ADGRG1: variants seen among roughly 807,000 people sequenced by gnomAD.
ADGRG1 encodes 7-transmembrane protein with no EGF-like N-terminal domains-1.
Under a neutral mutation model 73.5 loss-of-function variants are expected in ADGRG1, and 53 were observed. The observed-to-expected ratio is 0.72, with a 90% CI of 0.58 to 0.91. The LOEUF (loss-of-function observed/expected upper bound fraction) is 0.91, where lower values mean the gene tolerates loss of function less well. Among genes scored for constraint, ADGRG1 ranks in the 40% least tolerant of loss-of-function variants. The pLI, the probability that ADGRG1 is intolerant of heterozygous loss-of-function variation, is 0.00. For missense variants in ADGRG1, 795 were observed against 871.8 expected, an observed-to-expected ratio of 0.91 and a Z score of 1.11; for synonymous variants, 394 against 374.4, an observed-to-expected ratio of 1.05 and a Z score of -0.60.
chr16:57,632,762 A>G, intron 1 of ADGRG1: 1 of 984,162 alleles, frequency 1.0e-6, no homozygotes, highest in Non-Finnish European at 1.2e-6. Context: ...ATAAAAGCTC[A>G]GCCCCGGAGG....
chr16:57,619,876 G>A (rs549227808), upstream of ADGRG1: 1 of 152,504 alleles, frequency 6.6e-6, no homozygotes, highest in African/African-American at 2.4e-5. Flanking sequence ...TGAAGTCCAC[G>A]AAGAGGTGAG....
intron 13 of ADGRG1, 30 bp from the exon 14 acceptor site, chr16:57,663,422 C>G (rs1335369373): frequency 1.2e-6 from 2 of 1,612,944 alleles, no homozygotes; most frequent in Non-Finnish European, 1.7e-6. Context: ...GCTCCCCCAC[C>G]TGCTGACCCC....
chr16:57,647,587 G>C (rs1486557172), intron 1 of ADGRG1: 1 of 399,166 alleles, frequency 2.5e-6, no homozygotes, highest in African/African-American at 2.2e-5. Context: ...CCCAGAGAAG[G>C]TGAGTAACTA....
upstream of ADGRG1, chr16:57,627,114 C>G (rs2035994010): frequency 1.0e-6 from 1 of 959,702 alleles, no homozygotes; most frequent in Non-Finnish European, 1.2e-6. Flanking sequence ...TCCCTGCACC[C>G]CACGGGGTGG....
chr16:57,622,254 C>G, intron 2 of ADGRG1: 1 of 152,156 alleles, frequency 6.6e-6, no homozygotes, highest in East Asian at 1.9e-4. Context: ...CAGGAAGATA[C>G]TGAGGCACAG....
In ADGRG1 at chr16:57,660,875, A is replaced by G. The variant is rs1262115975; in HGVS notation, c.1663A>G (p.Met555Val). ...TCCAGAGGGCGTCATCTACCCTTCC[A>G]TGTGAGTGGCTGTGTGCAATGGGGG... is the stretch of plus-strand genomic sequence containing the variant. Reference protein sequence around the residue: ...RTPEGVIYPSMCWIRDSLVSY... With the variant: ...RTPEGVIYPSVCWIRDSLVSY... The change falls in exon 12 of 14, where the codon ATG becomes GTG. Residue 555 changes from methionine to valine, a missense_variant and splice_region_variant. Transcript: ENST00000562631. 5.2e-6 allele frequency: 8 copies of G among 1,539,552 alleles called. No homozygotes were observed. The highest frequency in any genetic ancestry group is 2.7e-5 in the African/African-American group (2 of 73,474).
chr16:57,637,731 C>T (rs1266927088), intron 1 of ADGRG1: 21 of 982,718 alleles, frequency 2.1e-5, no homozygotes, highest in African/African-American at 1.2e-4. Context: ...CTCTGCTCCA[C>T]GGAGGGGCGG....
intron 1 of ADGRG1, chr16:57,643,507 C>T: frequency 1.1e-6 from 1 of 934,586 alleles, no homozygotes; most frequent in African/African-American, 1.8e-5. Context: ...GTGGCTCAAG[C>T]ACTTGGTTGG....
At chr16:57,662,454 G>T (rs1320094164) in intron 13 of ADGRG1, among the ~76,000 whole-genome samples, 5 of 152,162 alleles carry the variant, frequency 3.3e-5, no homozygotes, top group African/African-American at 1.2e-4. Context: ...CAGACCAGCA[G>T]CAGCAGCGTT....
chr16:57,644,512 G>A (rs1464276539), intron 1 of ADGRG1, among the ~76,000 whole-genome samples: 5 of 142,944 alleles, frequency 3.5e-5, no homozygotes, highest in African/African-American at 1.1e-4. Flanking sequence ...TCATGCATGG[G>A]CACACACACT....
intron 1 of ADGRG1, chr16:57,631,228 G>A: frequency 1.0e-6 from 1 of 986,496 alleles, no homozygotes; most frequent in Non-Finnish European, 1.2e-6. Context: ...GGTTGGTGTA[G>A]GGGTTGGCCT....
rs1212410004 is a variant in ADGRG1 at position 57,632,187 on chromosome 16, T to C, written c.-36+3385T>C. The C allele has an allele frequency of 1.8e-5, 18 of 985,334 alleles. No homozygotes were observed. The African/African-American group carries it at 3.1e-4, about 17-fold the overall frequency. The allele number at this position is 985,334 out of a possible 1,614,324, so 61.0% of individuals were successfully genotyped here. ...ATCCAGAATTTGGGCTCTTGTCCCT[T>C]GGTGGAGAGGAGGCTCCTCAGCCAG... On this transcript the variant is annotated intron_variant, in intron 1 of 13. Coordinates refer to ENST00000562631, the MANE Select transcript of ADGRG1 (RefSeq NM_201525.4).
At chr16:57,631,932 A>T in intron 1 of ADGRG1, 1 of 974,650 alleles carries the variant, frequency 1.0e-6, no homozygotes, top group Non-Finnish European at 1.2e-6. Flanking sequence ...AGGGACACAC[A>T]TTTTCTGACC....
At chr16:57,635,203 C>G (rs2039052143) in intron 1 of ADGRG1, 1 of 985,258 alleles carries the variant, frequency 1.0e-6, no homozygotes. Context: ...CCCTGCCCCC[C>G]ACCTGCCTAG....
At chr16:57,659,237 CA>C (rs2046462925) in intron 10 of ADGRG1, 175 bp from the exon 11 acceptor site, 2 of 984,772 alleles carry the variant, frequency 2.0e-6, no homozygotes, top group African/African-American at 1.8e-5. Flanking sequence ...AGTAGGTGCA[CA>C]GGGGGATGTG....
At chr16:57,631,302 C>A in intron 1 of ADGRG1, 1 of 985,782 alleles carries the variant, frequency 1.0e-6, no homozygotes, top group Non-Finnish European at 1.2e-6. Context: ...ATGGAGGGAC[C>A]ACTGCGGACC....
chr16:57,622,135 A>C (rs1179231867), intron 2 of ADGRG1: 1 of 152,100 alleles, frequency 6.6e-6, no homozygotes, highest in Admixed American at 6.6e-5. Context: ...AAAAAAAAAA[A>C]AAACAAAACA....
At chr16:57,630,377 G>A in intron 1 of ADGRG1, 1 of 985,510 alleles carries the variant, frequency 1.0e-6, no homozygotes, top group South Asian at 4.7e-5. Context: ...CCCCTTCTTT[G>A]CTGCAGGGAC....
rs114924392 is a variant in ADGRG1, at chr16:57,659,899, A to G, written c.1555+218A>G. 0.011 allele frequency among the ~76,000 whole-genome samples: 1,632 copies of G among 151,824 alleles called. 21 individuals carry two copies. The highest frequency in any genetic ancestry group is 0.041 in the Middle Eastern group (12 of 294). On this transcript the variant is annotated intron_variant, in intron 11 of 13. Transcript: ENST00000562631. ...GAAACACTTCCAAATTCTCCACATC[A>G]CTCACTCCATTGCAAAGGGGATTTA...
Sources: gnomAD v4.1 joint callset for allele counts (sites outside exome capture counted in the v4.1 genomes callset) on GRCh38, gnomAD v4.1.1 for gene constraint, MANE v1.5 for transcripts, NCBI Gene and HGNC (gene_info 2026-07-23, HGNC 2026-07-21) for gene names.